Variants in TBCEL observed in about 807,000 individuals in gnomAD.
The protein encoded by TBCEL is tubulin-specific chaperone cofactor E-like protein.
TBCEL carries 15 observed loss-of-function variants against 44.2 expected under a neutral mutation model. The observed-to-expected ratio is 0.34, with a 90% confidence interval of 0.23 to 0.52. TBCEL has a LOEUF of 0.52. TBCEL is among the 20% of genes least tolerant of loss of function. The pLI is 0.95. For synonymous variants in TBCEL, 171 were observed against 185.4 expected (o/e 0.92, Z 0.63); for missense variants, 319 against 506.3 (o/e 0.63, Z 3.55).
In TBCEL at chr11:121,053,672, T is replaced by A; in HGVS notation, c.395T>A (p.Val132Asp). The stretch of plus-strand genomic sequence containing the variant: ...TCCTTCTCTGGGGTTCGCAAACTTG[T>A]CCTCAACAACAGCAAAGCTTCTTGG... ...AGSFSGVRKL[V>D]LNNSKASWET... Residue 132 changes from valine (V) to aspartate (D), a missense_variant, in exon 5 of 9, where the codon GTC becomes GAC. Coordinates refer to ENST00000683345, the MANE Select transcript of TBCEL (RefSeq NM_001363644.2). The A allele has an allele frequency of 6.2e-7, 1 of 1,612,324 alleles. No individual in the cohort carries two copies. The highest frequency in any genetic ancestry group is 8.5e-7 in the Non-Finnish European group (1 of 1,178,942).
chr11:121,053,465 C>G lies in TBCEL; in HGVS notation c.274-86C>G, dbSNP rs556514544. On this transcript the variant is annotated intron_variant, in intron 4 of 8. Coordinates refer to ENST00000683345, the MANE Select transcript of TBCEL (RefSeq NM_001363644.2). ...ATGTAAATGGCCCTTTGCCTGGAGACCAGCTCCTCTAGGCTTTCTTGAGCA... is the reference window on the plus strand; with the variant it reads ...ATGTAAATGGCCCTTTGCCTGGAGAGCAGCTCCTCTAGGCTTTCTTGAGCA... The G allele has an allele frequency of 3.9e-6, 5 of 1,295,632 alleles. No homozygotes were observed. In the African/African-American group the frequency reaches 7.4e-5, roughly 19 times the overall value. The allele number at this position is 1,295,632 out of a possible 1,614,324, so 80.3% of individuals were successfully genotyped here.
chr11:121,064,866 G>A (rs960793457), intron 8 of TBCEL, among the ~76,000 whole-genome samples: 5 of 151,664 alleles, frequency 3.3e-5, no homozygotes, highest in East Asian at 1.9e-4. Flanking sequence ...TCACTCTGTC[G>A]CCCAGGCTGG....
At chr11:121,058,704 C>T (rs1256230812) in intron 7 of TBCEL, among the ~76,000 whole-genome samples, 2 of 151,856 alleles carry the variant, frequency 1.3e-5, no homozygotes, top group Non-Finnish European at 2.9e-5. Flanking sequence ...AATATTTCTA[C>T]AAATCTGTTT....
chr11:121,054,428 G>A (rs559755104), intron 5 of TBCEL, among the ~76,000 whole-genome samples: 127 of 151,824 alleles, frequency 8.4e-4, no homozygotes, highest in Non-Finnish European at 1.6e-3. Flanking sequence ...GCATGGCAGA[G>A]AATGAGCTTT....
chr11:121,064,971 G>A lies in TBCEL; in HGVS notation c.956+4886G>A, dbSNP rs892119116. 7.2e-5 allele frequency among the ~76,000 whole-genome samples: 11 copies of A among 151,906 alleles called. No homozygotes were observed. The East Asian group carries it at 7.7e-4, about 11-fold the overall frequency. On this transcript the variant is annotated intron_variant, in intron 8 of 8. Coordinates refer to ENST00000683345, the MANE Select transcript of TBCEL (RefSeq NM_001363644.2). ...CTCCCGAGTAGCTGGGACTACAGGC[G>A]CCCGCCACCACGCCCAGCTAATTTT...
intron 8 of TBCEL, among the ~76,000 whole-genome samples, chr11:121,084,398 CTT>C (rs1371848578): frequency 6.6e-6 from 1 of 152,056 alleles, no homozygotes; most frequent in Non-Finnish European, 1.5e-5. Flanking sequence ...AATTTCTAGA[CTT>C]TTGAGTTTTG....
intron 8 of TBCEL, among the ~76,000 whole-genome samples, chr11:121,082,656 C>T (rs1226663782): frequency 1.3e-5 from 2 of 152,110 alleles, no homozygotes; most frequent in Admixed American, 1.3e-4. Context: ...ACCCTGAGGT[C>T]GTGGAAAGCC....
At chr11:121,069,254 G>T (rs1177740671) in intron 8 of TBCEL, among the ~76,000 whole-genome samples, 1 of 152,174 alleles carries the variant, frequency 6.6e-6, no homozygotes, top group Admixed American at 6.5e-5. Flanking sequence ...GCCTAGAGCG[G>T]TGCCTGGCAG....
rs561807131 is a variant in TBCEL, at chr11:121,086,830, G to T, written c.1009G>T (p.Asp337Tyr). The change falls in exon 9 of 9, where the codon GAC becomes TAC. Residue 337 changes from aspartate (D) to tyrosine (Y), a missense_variant. Asp to Tyr is a radical substitution (Grantham distance 160). Coordinates refer to ENST00000683345, the MANE Select transcript of TBCEL (RefSeq NM_001363644.2). ...GAAGTTGGAGCCTTTGGCAGAAGTG[G>T]ACCTAAGACCCCAGAGCAGTGCAAA... Reference protein sequence around the residue: ...YGKLEPLAEVDLRPQSSAKVE... With the variant: ...YGKLEPLAEVYLRPQSSAKVE... 6.2e-7 allele frequency: 1 copy of T among 1,614,006 alleles called. No homozygotes were observed. The highest frequency in any genetic ancestry group is 1.1e-5 in the South Asian group (1 of 91,054).
At chr11:121,030,238 C>G (rs750311517) in intron 1 of TBCEL, among the ~76,000 whole-genome samples, 15 of 152,030 alleles carry the variant, frequency 9.9e-5, no homozygotes, top group Non-Finnish European at 2.1e-4. Context: ...ACCACGGAGG[C>G]TGAGTAGTGG....
chr11:121,054,908 A>G, intron 5 of TBCEL, 144 bp from the exon 6 acceptor site: 1 of 824,418 alleles, frequency 1.2e-6, no homozygotes, highest in Non-Finnish European at 1.7e-6. Context: ...GAACTTCAGG[A>G]AGACATCTTG....
intron 1 of TBCEL, among the ~76,000 whole-genome samples, chr11:121,029,384 AT>A (rs1271221039): frequency 1.3e-5 from 2 of 152,172 alleles, no homozygotes; most frequent in Non-Finnish European, 2.9e-5. Flanking sequence ...TAACTAGTTT[AT>A]TGACCACTTA....
intron 8 of TBCEL, among the ~76,000 whole-genome samples, chr11:121,060,565 A>G (rs1310544837): frequency 5.3e-5 from 8 of 152,018 alleles, no homozygotes; most frequent in African/African-American, 1.7e-4. Flanking sequence ...AGGAATTAGT[A>G]TGGTGAATAT....
rs1945199799 is a variant in TBCEL at position 121,034,641 on chromosome 11, A to G, written c.-125-1864A>G. Among the ~76,000 whole-genome samples, 2 of 152,246 alleles carry G rather than the reference A, an allele frequency of 1.3e-5. 1 individual carries two copies. Among genetic ancestry groups the G allele is most frequent in the South Asian group, 4.1e-4 (2 of 4,836 alleles). ...CAAGTTTCCAGTATATGCTAGATAC[A>G]AACAAGCATTAGGATATGGTTATTA... On this transcript the variant is annotated intron_variant, in intron 1 of 8. Transcript: ENST00000683345.
chr11:121,080,775 T>TTGAG (rs1946110677), intron 8 of TBCEL, among the ~76,000 whole-genome samples: 1 of 152,090 alleles, frequency 6.6e-6, no homozygotes, highest in Non-Finnish European at 1.5e-5. Flanking sequence ...TGAATTGTGA[T>TTGAG]TGAGGAAATG....
chr11:121,052,553 G>A (rs1167721082), intron 4 of TBCEL, among the ~76,000 whole-genome samples: 1 of 151,744 alleles, frequency 6.6e-6, no homozygotes, highest in Non-Finnish European at 1.5e-5. Flanking sequence ...TTACCACATT[G>A]CCTGGTTGTT....
intron 4 of TBCEL, among the ~76,000 whole-genome samples, chr11:121,053,218 C>A (rs1429742376): frequency 6.6e-6 from 1 of 151,866 alleles, no homozygotes; most frequent in African/African-American, 2.4e-5. Flanking sequence ...GAAATGTCAT[C>A]AAAACTGTCT....
intron 2 of TBCEL, among the ~76,000 whole-genome samples, chr11:121,038,377 T>A (rs1293365371): frequency 6.6e-6 from 1 of 152,206 alleles, no homozygotes; most frequent in African/African-American, 2.4e-5. Flanking sequence ...ATACATATGC[T>A]TTTCCAGAAT....
At chr11:121,050,299 T>G (rs943327839) in intron 4 of TBCEL, among the ~76,000 whole-genome samples, 4 of 151,780 alleles carry the variant, frequency 2.6e-5, no homozygotes, top group African/African-American at 4.8e-5. Flanking sequence ...TAACGGAATT[T>G]ATTTCAGCCA....
Sources: gnomAD v4.1 joint callset for allele counts (sites outside exome capture counted in the v4.1 genomes callset) on GRCh38, gnomAD v4.1.1 for gene constraint, MANE v1.5 for transcripts, NCBI Gene and HGNC (gene_info 2026-07-23, HGNC 2026-07-21) for gene names.